The following LMBRD1 variants were observed in gnomAD, a reference collection of about 807,000 sequenced individuals.
LMBRD1 encodes the protein lysosomal cobalamin transport escort protein LMBD1.
Under a neutral mutation model 74.8 loss-of-function variants are expected in LMBRD1, and 64 were observed. The observed-to-expected ratio is 0.86, with a 90% CI of 0.70 to 1.05. LMBRD1 has a LOEUF of 1.05. Among genes scored for constraint, LMBRD1 ranks in the 50% least tolerant of loss-of-function variants. LMBRD1 has a pLI of 0.00. For synonymous variants in LMBRD1, 204 were observed against 216.3 expected (o/e 0.94, Z 0.50); for missense variants, 652 against 645.9 (o/e 1.01, Z -0.10).
rs1262435582 is a variant in LMBRD1 at position 69,683,339 on chromosome 6, A to G, written c.1418-6798T>C. On this transcript the variant is annotated intron_variant, in intron 14 of 15. Coordinates refer to ENST00000649934, the MANE Select transcript of LMBRD1 (RefSeq NM_018368.4). The stretch of plus-strand genomic sequence containing the variant: ...GACTATAAATTTGATTTTCCATGCA[A>G]ATTCTTTCTCTCTGGTAATAATTCA... Among the ~76,000 whole-genome samples, 7 of 152,150 alleles carry G rather than the reference A, an allele frequency of 4.6e-5. No homozygotes were observed. The East Asian group carries it at 5.8e-4, about 13-fold the overall frequency.
At chr6:69,680,359 G>C (rs899726556) in intron 14 of LMBRD1, among the ~76,000 whole-genome samples, 1 of 152,068 alleles carries the variant, frequency 6.6e-6, no homozygotes, top group Non-Finnish European at 1.5e-5. Context: ...CCATACTTAT[G>C]ATATTTTGGG....
chr6:69,686,252 T>G (rs1765761599), intron 14 of LMBRD1, among the ~76,000 whole-genome samples: 1 of 152,208 alleles, frequency 6.6e-6, no homozygotes, highest in Admixed American at 6.5e-5. Flanking sequence ...TAATTCTCGT[T>G]TAGAGTTCCC....
At chr6:69,766,428 T>C (rs1765477508) in intron 3 of LMBRD1, among the ~76,000 whole-genome samples, 1 of 152,002 alleles carries the variant, frequency 6.6e-6, no homozygotes, top group African/African-American at 2.4e-5. Context: ...TTCTGTCCTA[T>C]GTATGCTAAC....
At chr6:69,754,831 A>C (rs1009858424) in intron 3 of LMBRD1, among the ~76,000 whole-genome samples, 1 of 152,226 alleles carries the variant, frequency 6.6e-6, no homozygotes, top group Non-Finnish European at 1.5e-5. Context: ...CAAACATATG[A>C]AAAAAAGCTC....
At chr6:69,785,900 G>A (rs1765934199) in intron 2 of LMBRD1, among the ~76,000 whole-genome samples, 3 of 152,068 alleles carry the variant, frequency 2.0e-5, no homozygotes, top group Non-Finnish European at 4.4e-5. Context: ...CTCTATATTT[G>A]CTGCTGCTTC....
intron 3 of LMBRD1, among the ~76,000 whole-genome samples, chr6:69,772,770 C>A (rs1372272994): frequency 6.6e-6 from 1 of 152,050 alleles, no homozygotes; most frequent in African/African-American, 2.4e-5. Context: ...TGGAAAAGCA[C>A]TGAAATATAT....
At chr6:69,686,245 T>A (rs1041746776) in intron 14 of LMBRD1, among the ~76,000 whole-genome samples, 2 of 152,204 alleles carry the variant, frequency 1.3e-5, no homozygotes, top group African/African-American at 4.8e-5. Flanking sequence ...TGATTAATAA[T>A]TCTCGTTTAG....
intron 2 of LMBRD1, among the ~76,000 whole-genome samples, chr6:69,782,197 AT>A (rs1243381241): frequency 6.6e-6 from 1 of 152,228 alleles, no homozygotes; most frequent in East Asian, 1.9e-4. Flanking sequence ...TAGTTTATTC[AT>A]TGGACAATAC....
chr6:69,737,336 G>A (rs1248194893), intron 7 of LMBRD1, among the ~76,000 whole-genome samples: 7 of 152,022 alleles, frequency 4.6e-5, no homozygotes, highest in Non-Finnish European at 1.0e-4. Context: ...AGAGAAGTCT[G>A]TATACAACTT....
rs1486226778 is a variant in LMBRD1, at chr6:69,727,232, T to C, written c.637-8151A>G. Among the ~76,000 whole-genome samples the C allele has an allele frequency of 3.9e-5, 6 of 152,318 alleles. No individual in the cohort carries two copies. The South Asian group carries it at 8.3e-4, about 21-fold the overall frequency. ...CTGTTTGTAACACAAAGTATATAAA[T>C]GCTTGACAGAAGAGATACCGAATTT... On this transcript the variant is annotated intron_variant, in intron 7 of 15. Coordinates refer to ENST00000649934, the MANE Select transcript of LMBRD1 (RefSeq NM_018368.4).
chr6:69,774,162 C>G (rs1765636492), intron 3 of LMBRD1, among the ~76,000 whole-genome samples: 1 of 152,182 alleles, frequency 6.6e-6, no homozygotes, highest in Admixed American at 6.5e-5. Context: ...GTTCTCATGA[C>G]AGTGATTAAG....
rs1159441297 is a variant in LMBRD1, at chr6:69,704,170, C to T, written c.916-2217G>A. Among the ~76,000 whole-genome samples, 7 of 152,084 alleles carry T rather than the reference C, an allele frequency of 4.6e-5. No individual in the cohort carries two copies. In the East Asian group the frequency reaches 1.3e-3, roughly 29 times the overall value. ...TTCTCCATTGTACAATTATTATTTC[C>T]CCCTCTGTAATTAATATGTTTTGTG... On this transcript the variant is annotated intron_variant, in intron 9 of 15. Coordinates refer to ENST00000649934, the MANE Select transcript of LMBRD1 (RefSeq NM_018368.4).
intron 6 of LMBRD1, among the ~76,000 whole-genome samples, chr6:69,740,456 C>G (rs1582109410): frequency 6.6e-6 from 1 of 151,806 alleles, no homozygotes; most frequent in Non-Finnish European, 1.5e-5. Flanking sequence ...GAGTTAACTC[C>G]AAGAAAAGAA....
chr6:69,747,020 T>C (rs1397589133), intron 5 of LMBRD1, among the ~76,000 whole-genome samples: 1 of 149,532 alleles, frequency 6.7e-6, no homozygotes, highest in Non-Finnish European at 1.5e-5. Context: ...GTACCACCTT[T>C]GTCATGTACT....
intron 4 of LMBRD1, among the ~76,000 whole-genome samples, chr6:69,750,182 T>C (rs1167403894): frequency 6.6e-6 from 1 of 150,506 alleles, no homozygotes; most frequent in Non-Finnish European, 1.5e-5. Flanking sequence ...CTTATACATA[T>C]ATAACATATA....
intron 2 of LMBRD1, among the ~76,000 whole-genome samples, chr6:69,786,414 A>C (rs1765947523): frequency 1.3e-5 from 2 of 152,288 alleles, no homozygotes; most frequent in South Asian, 4.1e-4. Context: ...GACATACCTT[A>C]ATATTAACTA....
intron 7 of LMBRD1, among the ~76,000 whole-genome samples, chr6:69,731,813 A>ACT (rs1357621198): frequency 1.3e-5 from 2 of 151,934 alleles, no homozygotes; most frequent in Non-Finnish European, 2.9e-5. Context: ...TAAGTCAAAA[A>ACT]CCATCTGTGT....
At chr6:69,749,923 C>T (rs1562111636) in intron 4 of LMBRD1, among the ~76,000 whole-genome samples, 38 of 92,910 alleles carry the variant, frequency 4.1e-4, no homozygotes, top group African/African-American at 1.9e-3. Flanking sequence ...TATATATACA[C>T]ATATACATAC....
intron 5 of LMBRD1, 58 bp from the exon 6 acceptor site, chr6:69,741,935 G>T: frequency 1.1e-6 from 1 of 949,274 alleles, no homozygotes; most frequent in South Asian, 1.4e-5. Flanking sequence ...TAAATTAAAT[G>T]GTTTGAAACT....
Sources: allele counts gnomAD v4.1 joint callset (sites outside exome capture counted in the v4.1 genomes callset), GRCh38; gene constraint gnomAD v4.1.1; transcripts MANE v1.5; gene names NCBI Gene and HGNC (gene_info 2026-07-23, HGNC 2026-07-21).